NUP210: variants seen among roughly 807,000 people sequenced by gnomAD.
NUP210 encodes the protein nuclear pore membrane glycoprotein 210.
A neutral mutation model predicts 196.0 loss-of-function variants in NUP210; 151 were observed. The observed-to-expected ratio is 0.77, with a 90% confidence interval of 0.67 to 0.88. NUP210 has a LOEUF of 0.88. Among genes scored for constraint, NUP210 ranks in the 40% least tolerant of loss-of-function variants. NUP210 has a pLI of 0.00. For missense variants in NUP210, 2,314 were observed against 2,493.7 expected (o/e 0.93, Z 1.53); for synonymous variants, 1,070 against 1,052.7 (o/e 1.02, Z -0.32).
At chr3:13,324,276 T>A (rs551270354) in intron 33 of NUP210, among the ~76,000 whole-genome samples, 1 of 152,020 alleles carries the variant, frequency 6.6e-6, no homozygotes, top group Non-Finnish European at 1.5e-5. Context: ...CAAGGCTTCC[T>A]GGCCCCTCTC....
intron 4 of NUP210, among the ~76,000 whole-genome samples, chr3:13,388,823 C>T (rs1305005073): frequency 6.6e-6 from 1 of 152,232 alleles, no homozygotes; most frequent in Non-Finnish European, 1.5e-5. Flanking sequence ...GAGCACAGCC[C>T]AGTCACAGCA....
chr3:13,349,348 A>G (rs544051539), intron 20 of NUP210, among the ~76,000 whole-genome samples: 1 of 152,162 alleles, frequency 6.6e-6, no homozygotes, highest in Non-Finnish European at 1.5e-5. Context: ...CCATGCCCCC[A>G]GCTACAGCTT....
chr3:13,319,703 C>T, intron 37 of NUP210, 60 bp downstream of exon 37: 1 of 1,440,866 alleles, frequency 6.9e-7, no homozygotes, highest in Non-Finnish European at 9.7e-7. Flanking sequence ...TAGCCAGGAC[C>T]ACTCCTGCCT....
intron 3 of NUP210, among the ~76,000 whole-genome samples, chr3:13,392,972 G>C (rs1023003584): frequency 6.6e-6 from 1 of 152,196 alleles, no homozygotes; most frequent in Non-Finnish European, 1.5e-5. Context: ...CTCAGTGAGG[G>C]GAGCATGGAG....
intron 16 of NUP210, 47 bp from the exon 17 acceptor site, chr3:13,354,154 C>T (rs1337000296): frequency 6.6e-7 from 1 of 1,505,660 alleles, no homozygotes; most frequent in African/African-American, 1.4e-5. Flanking sequence ...CAGGACTGGA[C>T]CTGGACACTG....
At chr3:13,353,749 G>A (rs1013018637) in intron 17 of NUP210, 89 bp from the exon 18 acceptor site, 111 of 1,327,478 alleles carry the variant, frequency 8.4e-5, no homozygotes, top group African/African-American at 2.5e-4. Context: ...TTGCAGTTTC[G>A]AATCTGAAAA....
rs145583848 is a variant in NUP210 at position 13,327,872 on chromosome 3, C to T, written c.4287-435G>A. ...CTCCTCTGAAAAATGGGGATCATCA[C>T]GTGACCGTGACGCAGGCCTGGCATA... On this transcript the variant is annotated intron_variant, in intron 31 of 39. Transcript: ENST00000254508. Among the ~76,000 whole-genome samples, 439 of 152,324 alleles carry T rather than the reference C, an allele frequency of 2.9e-3. 1 individual carries two copies. The highest frequency in any genetic ancestry group is 9.8e-3 in the African/African-American group (408 of 41,576).
rs1292048054 is a variant in NUP210 at position 13,379,755 on chromosome 3, G to C, written c.818-34C>G. 6.5e-7 allele frequency: 1 copy of C among 1,534,676 alleles called. No individual in the cohort carries two copies. The highest frequency in any genetic ancestry group is 1.2e-5 in the South Asian group (1 of 80,178). Reference sequence around the variant, plus strand: ...CAAGAAACAAAAAATAACAGGGAAAGAGAGAGCAAAGACAGGAAATGTTAG... The same window carrying C: ...CAAGAAACAAAAAATAACAGGGAAACAGAGAGCAAAGACAGGAAATGTTAG... On this transcript the variant is annotated intron_variant, in intron 6 of 39. Coordinates refer to ENST00000254508, the MANE Select transcript of NUP210 (RefSeq NM_024923.4). The surrounding 1 kb of genome is among the most constrained non-coding windows in gnomAD (Gnocchi z 4.2).
chr3:13,366,131 C>CA, intron 13 of NUP210, 40 bp from the exon 14 acceptor site: 1 of 1,591,710 alleles, frequency 6.3e-7, no homozygotes, highest in Non-Finnish European at 8.6e-7. Context: ...CCTGAAATCA[C>CA]TTTTTTCTTT....
chr3:13,350,994 G>A lies in NUP210; in HGVS notation c.2835+885C>T, dbSNP rs556246328. On this transcript the variant is annotated intron_variant, in intron 20 of 39. Coordinates refer to ENST00000254508, the MANE Select transcript of NUP210 (RefSeq NM_024923.4). The surrounding 1 kb of genome is among the most constrained non-coding windows in gnomAD (Gnocchi z 4.1). ...ATTACAGGCATGAGCCACCGCACCC[G>A]GCCAGAAATTCTTAAATTGAAAAGT... Among the ~76,000 whole-genome samples the A allele has an allele frequency of 2.0e-5, 3 of 152,088 alleles. No homozygotes were observed. Among genetic ancestry groups the A allele is most frequent in the Admixed American group, 6.5e-5 (1 of 15,276 alleles).
At chr3:13,375,091 A>G (rs1289448214) in intron 11 of NUP210, among the ~76,000 whole-genome samples, 1 of 151,548 alleles carries the variant, frequency 6.6e-6, no homozygotes, top group East Asian at 1.9e-4. Context: ...AAAAATAAAC[A>G]TTAATGAAAT....
intron 10 of NUP210, among the ~76,000 whole-genome samples, 165 bp downstream of exon 10, chr3:13,376,126 T>C (rs1056490156): frequency 6.6e-6 from 1 of 152,220 alleles, no homozygotes; most frequent in African/African-American, 2.4e-5. Context: ...GATGGGCTTC[T>C]TAAAGACTAA....
At position 13,351,546 on chromosome 3, in the gene NUP210, C is replaced by G. The variant is rs1697970750; in HGVS notation, c.2835+333G>C. On this transcript the variant is annotated intron_variant, in intron 20 of 39. Transcript: ENST00000254508. ...CCCAGGTCTGTTGCCCAGGCTGGAG[C>G]ATGACCACTGCTCAATGCACCCCTC... 1.3e-5 allele frequency: 3 copies of G among 222,752 alleles called. No homozygotes were observed. In the South Asian group the frequency reaches 2.7e-4, roughly 20 times the overall value. 13.8% of individuals were successfully genotyped at this position (222,752 alleles called of 1,614,324 possible). A position where few individuals can be genotyped will look rare whatever the true frequency, so the allele number is the denominator to read the frequency against.
chr3:13,367,397 T>C (rs748041701), intron 13 of NUP210, among the ~76,000 whole-genome samples: 14 of 152,308 alleles, frequency 9.2e-5, no homozygotes, highest in Middle Eastern at 3.4e-3. Context: ...AACGCACCAT[T>C]GCACTCCCAC....
chr3:13,340,427 C>T lies in NUP210; in HGVS notation c.3229-129G>A. 3.8e-6 allele frequency: 3 copies of T among 795,086 alleles called. No homozygotes were observed. The highest frequency in any genetic ancestry group is 4.2e-6 in the Non-Finnish European group (2 of 479,768). 49.3% of individuals were successfully genotyped at this position (795,086 alleles called of 1,614,324 possible). On this transcript the variant is annotated intron_variant, in intron 23 of 39. Coordinates refer to ENST00000254508, the MANE Select transcript of NUP210 (RefSeq NM_024923.4). The surrounding 1 kb of genome is among the most constrained non-coding windows in gnomAD (Gnocchi z 4.0). ...GACATCACTTCTCTCTGAGCAGTGA[C>T]CAGAGGGCCCAGGGTCCTGGGCCAA...
intron 6 of NUP210, among the ~76,000 whole-genome samples, chr3:13,380,535 C>CGTT (rs1409643088): frequency 6.6e-6 from 1 of 152,218 alleles, no homozygotes; most frequent in East Asian, 1.9e-4. Flanking sequence ...ACAGAGCTGG[C>CGTT]GTTCTGATCC....
At chr3:13,382,744 G>A (rs1170855565) in intron 6 of NUP210, among the ~76,000 whole-genome samples, 2 of 152,176 alleles carry the variant, frequency 1.3e-5, no homozygotes, top group South Asian at 2.1e-4. Context: ...GCAAGACAGG[G>A]ATTTGCTGAA....
chr3:13,405,682 G>A (rs955297872), intron 1 of NUP210, among the ~76,000 whole-genome samples: 1 of 152,120 alleles, frequency 6.6e-6, no homozygotes, highest in Non-Finnish European at 1.5e-5. Context: ...CATGTATCAG[G>A]CCCAGAGCTA....
At position 13,317,676 on chromosome 3, in the gene NUP210, G is replaced by A. The variant is rs369186926; in HGVS notation, c.*5C>T. The A allele has an allele frequency of 2.6e-4, 414 of 1,597,814 alleles. No individual in the cohort carries two copies. In the Middle Eastern group the frequency reaches 3.3e-3, roughly 13 times the overall value. On this transcript the variant is annotated 3_prime_UTR_variant, in exon 40 of 40. Coordinates refer to ENST00000254508, the MANE Select transcript of NUP210 (RefSeq NM_024923.4). Reference sequence around the variant, plus strand: ...AGACCCATCCTCCGGGAACCTTCACGCGGCCTAGTGGGAGGCATAGGCTGG... The same window carrying A: ...AGACCCATCCTCCGGGAACCTTCACACGGCCTAGTGGGAGGCATAGGCTGG...
Sources: gnomAD v4.1 joint callset for allele counts (sites outside exome capture counted in the v4.1 genomes callset) on GRCh38, gnomAD v4.1.1 for gene constraint, Gnocchi (gnomAD v3.1) non-coding constraint, MANE v1.5 for transcripts, NCBI Gene and HGNC (gene_info 2026-07-23, HGNC 2026-07-21) for gene names.